PRMT5: variants seen among roughly 807,000 people sequenced by gnomAD.
PRMT5 encodes protein arginine N-methyltransferase 5.
Under a neutral mutation model 84.0 loss-of-function variants are expected in PRMT5, and 15 were observed. That is an observed-to-expected ratio of 0.18 (90% CI 0.12 to 0.28). The LOEUF is 0.28. Among genes scored for constraint, PRMT5 ranks in the 10% least tolerant of loss-of-function variants. The pLI, the probability that PRMT5 is intolerant of heterozygous loss-of-function variation, is 1.00. For missense variants in PRMT5, 486 were observed against 808.0 expected (o/e 0.60, Z 4.83); for synonymous variants, 276 against 292.4 (o/e 0.94, Z 0.57).
chr14:22,922,661 T>G (rs2044327108), intron 14 of PRMT5, 81 bp downstream of exon 14: 3 of 1,522,052 alleles, frequency 2.0e-6, no homozygotes, highest in Non-Finnish European at 2.7e-6. Flanking sequence ...TAAGGCAGAC[T>G]AGGGACAGTA....
At position 22,929,357 on chromosome 14, in the gene PRMT5, G is replaced by A. The variant is rs775953236; in HGVS notation, c.5C>T (p.Ala2Val). M[A>V]AMAVGGAGGS... The stretch of plus-strand genomic sequence containing the variant: ...ACCAGCACCCCCGACCGCCATCGCC[G>A]CCATCTTTCTCCTCGCGCTGTCCAC... The change falls in exon 1 of 17, where the codon GCG becomes GTG. Residue 2 changes from alanine to valine, a missense_variant. Transcript: ENST00000324366. 2 of 1,606,788 alleles carry A rather than the reference G, an allele frequency of 1.2e-6. No individual in the cohort carries two copies. Among genetic ancestry groups the A allele is most frequent in the East Asian group, 2.2e-5 (1 of 44,674 alleles).
At chr14:22,926,937 G>T (rs1471852652) in intron 4 of PRMT5, 123 bp from the exon 5 acceptor site, 2 of 671,708 alleles carry the variant, frequency 3.0e-6, no homozygotes, top group South Asian at 3.6e-5. Context: ...TTCCCAATTT[G>T]TAATTTTGTA....
intron 7 of PRMT5, among the ~76,000 whole-genome samples, chr14:22,925,585 C>T (rs577420717): frequency 3.3e-5 from 5 of 151,972 alleles, no homozygotes; most frequent in South Asian, 2.1e-4. Context: ...TTTGGAAGGC[C>T]GAGGCGGGTG....
At chr14:22,925,849 C>T (rs953211387) in intron 7 of PRMT5, among the ~76,000 whole-genome samples, 10 of 151,958 alleles carry the variant, frequency 6.6e-5, no homozygotes, top group African/African-American at 2.2e-4. Flanking sequence ...AAAAAGCCCT[C>T]TTATGCCATG....
At position 22,926,255 on chromosome 14, in the gene PRMT5, C is replaced by A. The variant is rs781211024; in HGVS notation, c.655G>T (p.Asp219Tyr). 1 of 1,613,832 alleles carries A rather than the reference C, an allele frequency of 6.2e-7. No homozygotes were observed. The highest frequency in any genetic ancestry group is 2.2e-5 in the East Asian group (1 of 44,882). ...TTGATGGGCTCCCCAAGCCAGCGAT[C>A]AATGACATGATTAGATGGGAGGTCA... ...GADLPSNHVI[D>Y]RWLGEPIKAA... The change falls in exon 7 of 17, where the codon GAT becomes TAT. Residue 219 changes from aspartate to tyrosine, a missense_variant. Coordinates refer to ENST00000324366, the MANE Select transcript of PRMT5 (RefSeq NM_006109.5).
chr14:22,925,122 T>G, intron 7 of PRMT5, 82 bp from the exon 8 acceptor site: 1 of 1,452,096 alleles, frequency 6.9e-7, no homozygotes, highest in East Asian at 2.3e-5. Flanking sequence ...AGAGCCCTAG[T>G]GTAAAATAAG....
In PRMT5 at chr14:22,920,890, CTT is replaced by C. The variant is rs1319473349; in HGVS notation, c.*12_*13del. The stretch of plus-strand genomic sequence containing the variant: ...GAAGCTGCTTCCAAGGCTCTGGACA[CTT>C]GGCACGCAGGGCTAGAGGCCAATGG... On this transcript the variant is annotated 3_prime_UTR_variant, in exon 17 of 17. Coordinates refer to ENST00000324366, the MANE Select transcript of PRMT5 (RefSeq NM_006109.5). 1 of 1,613,820 alleles carries C rather than the reference CTT, an allele frequency of 6.2e-7. No individual in the cohort carries two copies. The highest frequency in any genetic ancestry group is 1.3e-5 in the African/African-American group (1 of 75,052).
chr14:22,925,139 A>G (rs1219372412), intron 7 of PRMT5, 99 bp from the exon 8 acceptor site: 8 of 1,250,860 alleles, frequency 6.4e-6, no homozygotes, highest in African/African-American at 1.6e-5. Flanking sequence ...TAAGGCCCAG[A>G]TCAACAGTTC....
At chr14:22,921,818 C>A (rs1213963949) in intron 16 of PRMT5, among the ~76,000 whole-genome samples, 1 of 145,812 alleles carries the variant, frequency 6.9e-6, no homozygotes, top group Non-Finnish European at 1.5e-5. Flanking sequence ...GGAGGCGGAG[C>A]TTGCAGTGAG....
chr14:22,921,743 T>C (rs897004787), intron 16 of PRMT5, among the ~76,000 whole-genome samples: 1 of 151,348 alleles, frequency 6.6e-6, no homozygotes, highest in Admixed American at 6.6e-5. Flanking sequence ...ATTAGCCGGG[T>C]GTGGTGGCTG....
rs376611378 is a variant in PRMT5, at chr14:22,924,461, T to C, written c.1076+18A>G. The C allele has an allele frequency of 2.0e-5, 33 of 1,613,818 alleles. No homozygotes were observed. Among genetic ancestry groups the C allele is most frequent in the Non-Finnish European group, 2.6e-5 (31 of 1,179,848 alleles). On this transcript the variant is annotated intron_variant, in intron 10 of 16. Coordinates refer to ENST00000324366, the MANE Select transcript of PRMT5 (RefSeq NM_006109.5). This position sits in a 1 kb window ranked among gnomAD's most constrained non-coding sequence, Gnocchi z 6.5. ...ATATAGGTATGCAAGTCCCTGAGAT[T>C]GAGGGGAAAGCACTCACTGGACATT...
At chr14:22,922,905 TAA>T in intron 13 of PRMT5, 70 bp from the exon 14 acceptor site, 1 of 1,504,812 alleles carries the variant, frequency 6.6e-7, no homozygotes, top group Admixed American at 1.9e-5. Context: ...CCCCAAGGAT[TAA>T]AAAAAGTTTT....
chr14:22,924,389 T>G lies in PRMT5; in HGVS notation c.1080A>C (p.Val360=). The change falls in exon 11 of 17, where the codon GTA becomes GTC. Residue 360 remains valine (V), a synonymous_variant. Coordinates refer to ENST00000324366, the MANE Select transcript of PRMT5 (RefSeq NM_006109.5). The surrounding 1 kb of genome is among the most constrained non-coding windows in gnomAD (Gnocchi z 6.5). ...CCCGTCCTGCTCCCAGCACCATCAG[T>G]ACCCTAAGAAAGAAAGGGAAGAGTC... ...PEEEKDTNVQ[V]LMVLGAGRGP... The G allele has an allele frequency of 6.2e-7, 1 of 1,613,986 alleles. No homozygotes were observed. Among genetic ancestry groups the G allele is most frequent in the Non-Finnish European group, 8.5e-7 (1 of 1,180,000 alleles).
chr14:22,924,603 C>G lies in PRMT5; in HGVS notation c.1017+29G>C, dbSNP rs767675628. 1 of 1,612,674 alleles carries G rather than the reference C, an allele frequency of 6.2e-7. No homozygotes were observed. Among genetic ancestry groups the G allele is most frequent in the African/African-American group, 1.3e-5 (1 of 74,878 alleles). On this transcript the variant is annotated intron_variant, in intron 9 of 16. Coordinates refer to ENST00000324366, the MANE Select transcript of PRMT5 (RefSeq NM_006109.5). The surrounding 1 kb of genome is among the most constrained non-coding windows in gnomAD (Gnocchi z 6.5). ...CTCCCCAGGTCATGCTGGCCCTGTG[C>G]TTTCCTCACCCTGGGCACCACACAG...
intron 5 of PRMT5, 66 bp downstream of exon 5, chr14:22,926,636 G>T (rs1382742915): frequency 1.9e-6 from 3 of 1,600,410 alleles, no homozygotes; most frequent in Non-Finnish European, 2.6e-6. Context: ...CTCCCTACAG[G>T]TTGCACCCTG....
chr14:22,923,871 A>G lies in PRMT5; in HGVS notation c.1375+137T>C. ...ATGACTTCATTTGCTAGGGGCACAGAGGCAGTGAAGCAGTGGCTCTCAAAC... is the reference window on the plus strand; with the variant it reads ...ATGACTTCATTTGCTAGGGGCACAGGGGCAGTGAAGCAGTGGCTCTCAAAC... On this transcript the variant is annotated intron_variant, in intron 12 of 16. Transcript: ENST00000324366. This position sits in a 1 kb window ranked among gnomAD's most constrained non-coding sequence, Gnocchi z 5.2. The G allele has an allele frequency of 1.1e-6, 1 of 922,644 alleles. No homozygotes were observed. Among genetic ancestry groups the G allele is most frequent in the Admixed American group, 2.6e-5 (1 of 38,154 alleles). The allele number at this position is 922,644 out of a possible 1,614,324, so 57.2% of individuals were successfully genotyped here.
chr14:22,926,600 G>A lies in PRMT5; in HGVS notation c.564-45C>T, dbSNP rs753135297. 5.2e-5 allele frequency: 84 copies of A among 1,610,566 alleles called. No homozygotes were observed. In the South Asian group the frequency reaches 7.4e-4, roughly 14 times the overall value. On this transcript the variant is annotated intron_variant, in intron 5 of 16. Coordinates refer to ENST00000324366, the MANE Select transcript of PRMT5 (RefSeq NM_006109.5). ...AAAGTACAGTAAACTAGATATGGCCGACCAATCACCACAGCTCAAGGAGAC... is the reference window on the plus strand; with the variant it reads ...AAAGTACAGTAAACTAGATATGGCCAACCAATCACCACAGCTCAAGGAGAC...
chr14:22,929,191 C>T (rs2044494168), intron 1 of PRMT5, 61 bp downstream of exon 1: 2 of 1,613,988 alleles, frequency 1.2e-6, no homozygotes, highest in Non-Finnish European at 1.7e-6. Context: ...GATGACTAGT[C>T]TGCCCTTCTC....
chr14:22,920,863 C>A lies in PRMT5; in HGVS notation c.*41G>T, dbSNP rs896971389. 2 of 1,611,982 alleles carry A rather than the reference C, an allele frequency of 1.2e-6. No homozygotes were observed. Among genetic ancestry groups the A allele is most frequent in the African/African-American group, 2.7e-5 (2 of 74,902 alleles). ...ACCTTCTGTACTACAGGAGCAGAAC[C>A]TGAAGCTGCTTCCAAGGCTCTGGAC... On this transcript the variant is annotated 3_prime_UTR_variant, in exon 17 of 17. Transcript: ENST00000324366.
Sources: gnomAD v4.1 joint callset for allele counts (sites outside exome capture counted in the v4.1 genomes callset) on GRCh38, gnomAD v4.1.1 for gene constraint, Gnocchi (gnomAD v3.1) non-coding constraint, MANE v1.5 for transcripts, NCBI Gene and HGNC (gene_info 2026-07-23, HGNC 2026-07-21) for gene names.